ZNF385D: variants seen among roughly 807,000 people sequenced by gnomAD.
ZNF385D encodes zinc finger protein 659.
A neutral mutation model predicts 35.8 loss-of-function variants in ZNF385D; 15 were observed. The observed-to-expected ratio is 0.42, with a 90% CI of 0.28 to 0.64. The LOEUF (loss-of-function observed/expected upper bound fraction) is 0.64, where lower values mean the gene tolerates loss of function less well. Ranked by LOEUF, ZNF385D falls within the 30% of genes least tolerant of loss-of-function variation. ZNF385D has a pLI of 0.23. For synonymous variants in ZNF385D, 212 were observed against 186.8 expected (o/e 1.13, Z -1.10); for missense variants, 474 against 494.6 (o/e 0.96, Z 0.39).
In ZNF385D at chr3:22,238,712, G is replaced by A. The variant is rs540879760; in HGVS notation, c.107-69677C>T. ...TGTATTTGTGTGTATATGTGGGTGTGTAATGTTTCTTAATATTTTTTATAT... is the reference window on the plus strand; with the variant it reads ...TGTATTTGTGTGTATATGTGGGTGTATAATGTTTCTTAATATTTTTTATAT... On this transcript the variant is annotated intron_variant, in intron 2 of 5. Coordinates refer to the ZNF385D transcript ENST00000494108. 5.2e-4 allele frequency among the ~76,000 whole-genome samples: 78 copies of A among 150,610 alleles called. 3 individuals carry two copies. Among genetic ancestry groups the A allele is most frequent in the African/African-American group, 1.8e-3 (74 of 40,690 alleles).
At position 21,990,655 on chromosome 3, in the gene ZNF385D, T is replaced by A. The variant is rs116473710; in HGVS notation, c.325+178162A>T. 2.3e-3 allele frequency among the ~76,000 whole-genome samples: 345 copies of A among 152,328 alleles called. 3 individuals are homozygous for A. Among genetic ancestry groups the A allele is most frequent in the African/African-American group, 7.8e-3 (326 of 41,574 alleles). ...TCTGGCACAGGGATACTAGAATATA[T>A]AAAGTTATCAATTAACTCTAATTTA... On this transcript the variant is annotated intron_variant, in intron 3 of 5. Transcript: ENST00000494108.
intron 3 of ZNF385D, among the ~76,000 whole-genome samples, chr3:21,876,796 T>G (rs1298920802): frequency 6.6e-6 from 1 of 152,094 alleles, no homozygotes; most frequent in Non-Finnish European, 1.5e-5. Flanking sequence ...AATAACATTC[T>G]GTACAGCTTC....
At chr3:21,968,829 TAAGGA>T (rs1260643832) in intron 3 of ZNF385D, among the ~76,000 whole-genome samples, 5 of 151,946 alleles carry the variant, frequency 3.3e-5, no homozygotes, top group Non-Finnish European at 7.4e-5. Flanking sequence ...TCCTTTTGCT[TAAGGA>T]AAGGAGAAAA....
chr3:22,015,565 C>G (rs1475977655), intron 3 of ZNF385D, among the ~76,000 whole-genome samples: 1 of 152,054 alleles, frequency 6.6e-6, no homozygotes, highest in East Asian at 1.9e-4. Context: ...TAGTCTGGCA[C>G]CCTTGTACCC....
intron 2 of ZNF385D, among the ~76,000 whole-genome samples, chr3:21,571,583 G>T (rs1181034610): frequency 6.6e-6 from 1 of 152,064 alleles, no homozygotes; most frequent in Non-Finnish European, 1.5e-5. Context: ...TAACTATCCA[G>T]AGTTGGTGTA....
chr3:21,459,758 T>C (rs113274419), intron 4 of ZNF385D, among the ~76,000 whole-genome samples: 1 of 152,272 alleles, frequency 6.6e-6, no homozygotes, highest in African/African-American at 2.4e-5. Context: ...TGATGAAAAA[T>C]GGACAAATTG....
intron 3 of ZNF385D, among the ~76,000 whole-genome samples, chr3:21,978,592 T>C (rs1224803505): frequency 6.6e-6 from 1 of 152,218 alleles, no homozygotes; most frequent in Non-Finnish European, 1.5e-5. Context: ...TGCTTTTGTC[T>C]CCAGACTAGG....
At chr3:22,369,510 A>C (rs866706860) in intron 2 of ZNF385D, among the ~76,000 whole-genome samples, 1 of 152,136 alleles carries the variant, frequency 6.6e-6, no homozygotes, top group Non-Finnish European at 1.5e-5. Flanking sequence ...AGTTATTATG[A>C]GACATGTAGA....
chr3:21,647,348 TCCTC>T (rs1426146689), intron 2 of ZNF385D, among the ~76,000 whole-genome samples: 6 of 151,460 alleles, frequency 4.0e-5, no homozygotes, highest in Non-Finnish European at 2.9e-5. Flanking sequence ...CTTCATTCCT[TCCTC>T]CCTCCCTCCC....
At chr3:21,431,812 T>C (rs1701304370) in intron 5 of ZNF385D, among the ~76,000 whole-genome samples, 1 of 152,136 alleles carries the variant, frequency 6.6e-6, no homozygotes, top group Non-Finnish European at 1.5e-5. Context: ...TGGGCCTTAA[T>C]AGCAATAAGG....
intron 1 of ZNF385D, among the ~76,000 whole-genome samples, chr3:21,725,294 A>G (rs190210826): frequency 6.6e-6 from 1 of 152,052 alleles, no homozygotes; most frequent in Non-Finnish European, 1.5e-5. Flanking sequence ...AGAACAAATA[A>G]ATTCAAAAGC....
chr3:22,003,387 C>A (rs1427534219), intron 3 of ZNF385D, among the ~76,000 whole-genome samples: 2 of 151,970 alleles, frequency 1.3e-5, no homozygotes, highest in Non-Finnish European at 2.9e-5. Context: ...AAGACCTCTA[C>A]AAGGAAAGCA....
In ZNF385D at chr3:21,892,753, G is replaced by C. The variant is rs558249324; in HGVS notation, c.326-227725C>G. ...CTCAATTGGTCTATAGCCCTCTGAAGTTAATTTCCAAAAACTATTTACTCA... is the reference window on the plus strand; with the variant it reads ...CTCAATTGGTCTATAGCCCTCTGAACTTAATTTCCAAAAACTATTTACTCA... On this transcript the variant is annotated intron_variant, in intron 3 of 5. Coordinates refer to the ZNF385D transcript ENST00000494108. Among the ~76,000 whole-genome samples, 2 of 152,174 alleles carry C rather than the reference G, an allele frequency of 1.3e-5. 1 individual carries two copies. Among genetic ancestry groups the C allele is most frequent in the South Asian group, 4.1e-4 (2 of 4,820 alleles).
intron 3 of ZNF385D, among the ~76,000 whole-genome samples, chr3:21,813,119 T>A (rs527491226): frequency 6.6e-6 from 1 of 152,334 alleles, no homozygotes; most frequent in East Asian, 1.9e-4. Flanking sequence ...CCAACAGACC[T>A]GCAGCTGAGG....
At chr3:21,432,927 C>CAAA (rs1226216249) in intron 5 of ZNF385D, among the ~76,000 whole-genome samples, 1 of 152,060 alleles carries the variant, frequency 6.6e-6, no homozygotes, top group Non-Finnish European at 1.5e-5. Flanking sequence ...TGAAAGAACA[C>CAAA]AATTGATCCC....
intron 3 of ZNF385D, among the ~76,000 whole-genome samples, chr3:21,843,678 G>A (rs908795029): frequency 6.6e-6 from 1 of 152,080 alleles, no homozygotes; most frequent in South Asian, 2.1e-4. Context: ...ATGTATTAAA[G>A]TCAGAAGATG....
intron 2 of ZNF385D, among the ~76,000 whole-genome samples, chr3:22,280,506 C>A (rs1701682208): frequency 1.3e-5 from 2 of 151,970 alleles, no homozygotes; most frequent in South Asian, 4.1e-4. Flanking sequence ...ATTATCCCAG[C>A]ACCATTTGTT....
chr3:21,547,737 C>T (rs937101622), intron 3 of ZNF385D, among the ~76,000 whole-genome samples: 2 of 151,938 alleles, frequency 1.3e-5, no homozygotes, highest in African/African-American at 4.8e-5. Context: ...CTGCCTCAGC[C>T]TCCCGAGTAG....
chr3:21,512,721 G>A (rs565019225), intron 3 of ZNF385D, among the ~76,000 whole-genome samples: 51 of 152,280 alleles, frequency 3.3e-4, no homozygotes, highest in Non-Finnish European at 5.7e-4. Context: ...AGGAACCAGC[G>A]ATAGATTGGA....
Sources: gnomAD v4.1 joint callset for allele counts (sites outside exome capture counted in the v4.1 genomes callset) on GRCh38, gnomAD v4.1.1 for gene constraint, MANE v1.5 for transcripts, NCBI Gene and HGNC (gene_info 2026-07-23, HGNC 2026-07-21) for gene names.